SHROOM3: variants seen among roughly 807,000 people sequenced by gnomAD.
SHROOM3 encodes the protein protein Shroom3.
In SHROOM3, 47 loss-of-function variants were observed where a neutral mutation model predicts 138.6. The observed-to-expected ratio is 0.34, with a 90% confidence interval of 0.27 to 0.43. SHROOM3 has a LOEUF of 0.43. Among genes scored for constraint, SHROOM3 ranks in the 20% least tolerant of loss-of-function variants. SHROOM3 has a pLI of 1.00. For missense variants in SHROOM3, 2,491 were observed against 2,596.5 expected, an observed-to-expected ratio of 0.96 and a Z score of 0.88; for synonymous variants, 1,062 against 1,063.3, an observed-to-expected ratio of 1.00 and a Z score of 0.02.
At chr4:76,698,365 A>AT (rs1447798235) in intron 2 of SHROOM3, among the ~76,000 whole-genome samples, 1 of 152,188 alleles carries the variant, frequency 6.6e-6, no homozygotes, top group Non-Finnish European at 1.5e-5. Flanking sequence ...CAGGGAGTTC[A>AT]TTTTTGCTAA....
intron 2 of SHROOM3, among the ~76,000 whole-genome samples, chr4:76,666,604 T>A (rs2110095642): frequency 6.6e-6 from 1 of 152,232 alleles, no homozygotes; most frequent in Admixed American, 6.5e-5. Flanking sequence ...AACATTTTTT[T>A]AAAAAGAGGA....
chr4:76,747,040 G>A (rs1296118098), intron 5 of SHROOM3, among the ~76,000 whole-genome samples: 1 of 151,856 alleles, frequency 6.6e-6, no homozygotes, highest in Non-Finnish European at 1.5e-5. Context: ...GGATGATCTC[G>A]ATCTCCTGAC....
intron 2 of SHROOM3, among the ~76,000 whole-genome samples, chr4:76,572,472 C>G (rs1013365918): frequency 3.3e-5 from 5 of 152,172 alleles, no homozygotes; most frequent in African/African-American, 1.2e-4. Flanking sequence ...GAGGACTATT[C>G]CCAGTGCAGT....
At position 76,740,888 on chromosome 4, in the gene SHROOM3, G is replaced by T; in HGVS notation, c.2715G>T (p.Arg905=). Residue 905 remains arginine, a synonymous_variant, in exon 5 of 11, where the codon CGG becomes CGT. Coordinates refer to ENST00000296043, the MANE Select transcript of SHROOM3 (RefSeq NM_020859.4). This position sits in a 1 kb window ranked among gnomAD's most constrained non-coding sequence, Gnocchi z 4.0. The stretch of plus-strand genomic sequence containing the variant: ...AGCCAGAGAGGGAGCCCGAGTGGCG[G>T]GACAGGCCCGGCTCGCCCGAATCGC... ...SSEPEREPEW[R]DRPGSPESPL... The T allele has an allele frequency of 6.6e-7, 1 of 1,525,380 alleles. No individual in the cohort carries two copies. Among genetic ancestry groups the T allele is most frequent in the South Asian group, 1.3e-5 (1 of 76,112 alleles). 94.5% of individuals were successfully genotyped at this position (1,525,380 alleles called of 1,614,324 possible). A position where few individuals can be genotyped will look rare whatever the true frequency, so the allele number is the denominator to read the frequency against.
intron 9 of SHROOM3, among the ~76,000 whole-genome samples, chr4:76,770,324 C>CAAAAAAAAAAA (rs529468839): frequency 5.5e-5 from 2 of 36,088 alleles, no homozygotes; most frequent in African/African-American, 8.8e-5. Context: ...AACTCTGTCT[C>CAAAAAAAAAAA]AAAAAAAAAA....
chr4:76,773,190 C>G (rs544752215), intron 10 of SHROOM3, among the ~76,000 whole-genome samples: 5 of 152,142 alleles, frequency 3.3e-5, no homozygotes, highest in Admixed American at 3.3e-4. Flanking sequence ...GCCTGGCCAA[C>G]ATGGCAAAAC....
chr4:76,675,509 A>C (rs1719004348), intron 2 of SHROOM3, among the ~76,000 whole-genome samples: 2 of 152,134 alleles, frequency 1.3e-5, no homozygotes, highest in South Asian at 4.2e-4. Flanking sequence ...AGTAAGAAAG[A>C]TGTAGTCCCT....
intron 2 of SHROOM3, among the ~76,000 whole-genome samples, chr4:76,706,141 G>C (rs937571727): frequency 1.3e-5 from 2 of 152,080 alleles, no homozygotes; most frequent in Non-Finnish European, 2.9e-5. Context: ...GTTTGTTTTT[G>C]AGACGGAGTC....
chr4:76,524,133 C>T (rs1732629890), intron 1 of SHROOM3, among the ~76,000 whole-genome samples: 1 of 152,042 alleles, frequency 6.6e-6, no homozygotes, highest in African/African-American at 2.4e-5. Flanking sequence ...AGGGTCCGGG[C>T]AAATGTTTGT....
At chr4:76,567,701 T>A (rs1328178995) in intron 2 of SHROOM3, among the ~76,000 whole-genome samples, 1 of 152,086 alleles carries the variant, frequency 6.6e-6, no homozygotes, top group Non-Finnish European at 1.5e-5. Context: ...TCTTTAAAGG[T>A]GTCTCTTAGG....
At chr4:76,655,249 A>G (rs17002139) in intron 2 of SHROOM3, among the ~76,000 whole-genome samples, 22,692 of 152,168 alleles carry the variant, frequency 0.15, 1,922 homozygotes, top group East Asian at 0.28. Flanking sequence ...TGCAGCTACA[A>G]GTGAAGTCCT....
At chr4:76,511,126 G>C (rs1732326509) in intron 1 of SHROOM3, among the ~76,000 whole-genome samples, 1 of 151,806 alleles carries the variant, frequency 6.6e-6, no homozygotes, top group South Asian at 2.1e-4. Context: ...AGGTTGCAGT[G>C]AGCCAAGATC....
chr4:76,492,291 T>C (rs1731870140), intron 1 of SHROOM3, among the ~76,000 whole-genome samples: 1 of 152,242 alleles, frequency 6.6e-6, no homozygotes, highest in Non-Finnish European at 1.5e-5. Flanking sequence ...GGATGTGCAC[T>C]AATGAGAATT....
rs1560506887 is a variant in SHROOM3, at chr4:76,441,090, T to TTC, written c.168+4871_168+4872insCT. Among the ~76,000 whole-genome samples, 7 of 130,212 alleles carry TTC rather than the reference T, an allele frequency of 5.4e-5. No individual in the cohort carries two copies. The South Asian group carries it at 1.6e-3, about 30-fold the overall frequency. The allele number at this position is 130,212 out of a possible 152,430, so 85.4% of individuals were successfully genotyped here. ...CCACAGTCCTGAGTTCAATTTGTTTTTTTTTTTTTTTTTTTTTGAGACAGA... is the reference window on the plus strand; with the variant it reads ...CCACAGTCCTGAGTTCAATTTGTTTTTCTTTTTTTTTTTTTTTTTGAGACAGA... On this transcript the variant is annotated intron_variant, in intron 1 of 10. Coordinates refer to ENST00000296043, the MANE Select transcript of SHROOM3 (RefSeq NM_020859.4).
At chr4:76,641,379 C>T (rs573541247) in intron 2 of SHROOM3, among the ~76,000 whole-genome samples, 1 of 152,232 alleles carries the variant, frequency 6.6e-6, no homozygotes, top group Non-Finnish European at 1.5e-5. Context: ...ACACCTGTTT[C>T]ACCCCTCCCA....
chr4:76,576,272 A>G (rs914623084), intron 2 of SHROOM3, among the ~76,000 whole-genome samples: 4 of 152,356 alleles, frequency 2.6e-5, no homozygotes, highest in Admixed American at 2.0e-4. Flanking sequence ...AGATGAATGG[A>G]TAAAGAAAAT....
chr4:76,570,160 C>T (rs1259672585), intron 2 of SHROOM3, among the ~76,000 whole-genome samples: 1 of 145,912 alleles, frequency 6.9e-6, no homozygotes, highest in African/African-American at 2.6e-5. Flanking sequence ...TGTTAAAACA[C>T]ACACACACAC....
Position 76,779,385 on chromosome 4 carries a change from G to T in SHROOM3, c.*208G>T. 1 of 579,838 alleles carries T rather than the reference G, an allele frequency of 1.7e-6. No individual in the cohort carries two copies. Among genetic ancestry groups the T allele is most frequent in the Non-Finnish European group, 3.0e-6 (1 of 337,044 alleles). 35.9% of individuals were successfully genotyped at this position (579,838 alleles called of 1,614,324 possible). On this transcript the variant is annotated 3_prime_UTR_variant, in exon 11 of 11. Coordinates refer to ENST00000296043, the MANE Select transcript of SHROOM3 (RefSeq NM_020859.4). ...TGAGAGCTCGAATGCTGCTGGACACGTACCCCTTTCTATTATTACTTTGTA... is the reference window on the plus strand; with the variant it reads ...TGAGAGCTCGAATGCTGCTGGACACTTACCCCTTTCTATTATTACTTTGTA...
At position 76,648,808 on chromosome 4, in the gene SHROOM3, G is replaced by A. The variant is rs76029762; in HGVS notation, c.324-61348G>A. ...GCTAGAATATACAAGGCAACATGTG[G>A]TGGTGGATATATGAAGGTGGAAAAA... On this transcript the variant is annotated intron_variant, in intron 2 of 10. Coordinates refer to ENST00000296043, the MANE Select transcript of SHROOM3 (RefSeq NM_020859.4). Among the ~76,000 whole-genome samples, 1,224 of 152,308 alleles carry A rather than the reference G, an allele frequency of 8.0e-3. 11 individuals are homozygous for A. The highest frequency in any genetic ancestry group is 0.028 in the African/African-American group (1,159 of 41,558).
Sources: gnomAD v4.1 joint callset for allele counts (sites outside exome capture counted in the v4.1 genomes callset) on GRCh38, gnomAD v4.1.1 for gene constraint, Gnocchi (gnomAD v3.1) non-coding constraint, MANE v1.5 for transcripts, NCBI Gene and HGNC (gene_info 2026-07-23, HGNC 2026-07-21) for gene names.